The following IGSF11 variants were observed in gnomAD, a reference collection of about 807,000 sequenced individuals.
IGSF11 encodes CXADR like 1.
IGSF11 carries 22 observed loss-of-function variants against 41.0 expected under a neutral mutation model. The observed-to-expected ratio is 0.54, with a 90% CI of 0.38 to 0.77. The LOEUF (loss-of-function observed/expected upper bound fraction) is 0.77, where lower values mean the gene tolerates loss of function less well. IGSF11 is among the 30% of genes least tolerant of loss of function. IGSF11 has a pLI of 0.00. For synonymous variants in IGSF11, 219 were observed against 201.3 expected (o/e 1.09, Z -0.74); for missense variants, 444 against 530.8 (o/e 0.84, Z 1.61).
At chr3:119,016,428 A>G (rs1300870498) in intron 1 of IGSF11, among the ~76,000 whole-genome samples, 2 of 152,234 alleles carry the variant, frequency 1.3e-5, no homozygotes, top group African/African-American at 2.4e-5. Context: ...TTTAAAAAAA[A>G]TCTTTAGAAA....
At chr3:118,903,331 GTAAA>G (rs745548170) in intron 6 of IGSF11, among the ~76,000 whole-genome samples, 3 of 151,708 alleles carry the variant, frequency 2.0e-5, no homozygotes, top group South Asian at 2.1e-4. Flanking sequence ...TATATATATA[GTAAA>G]TATTTAGTAT....
At chr3:119,116,239 G>T (rs1267425048) in intron 1 of IGSF11, among the ~76,000 whole-genome samples, 1 of 152,124 alleles carries the variant, frequency 6.6e-6, no homozygotes, top group African/African-American at 2.4e-5. Context: ...AAAGGCAGAA[G>T]ATGAAGGAAT....
At chr3:119,088,385 G>T (rs1391059583) in intron 1 of IGSF11, among the ~76,000 whole-genome samples, 2 of 152,132 alleles carry the variant, frequency 1.3e-5, no homozygotes, top group East Asian at 3.9e-4. Flanking sequence ...AATGATAATA[G>T]ACACACAGCT....
chr3:118,928,059 G>C (rs1329601042), intron 3 of IGSF11, among the ~76,000 whole-genome samples: 1 of 152,140 alleles, frequency 6.6e-6, no homozygotes, highest in Non-Finnish European at 1.5e-5. Context: ...TTACAATTAT[G>C]CCAGGACAAC....
rs540538505 is a variant in IGSF11 at position 119,084,188 on chromosome 3, A to G, written c.49+20956T>C. ...GAAAGACAAGGATTTTGTCTAAACC[A>G]ATGTAATTTGAACAGATCTTTGGAG... is the stretch of plus-strand genomic sequence containing the variant. On this transcript the variant is annotated intron_variant, in intron 1 of 6. Coordinates refer to the IGSF11 transcript ENST00000354673. 8.5e-5 allele frequency among the ~76,000 whole-genome samples: 13 copies of G among 152,258 alleles called. No individual in the cohort carries two copies. In the East Asian group the frequency reaches 2.5e-3, roughly 29 times the overall value.
intron 1 of IGSF11, among the ~76,000 whole-genome samples, chr3:119,020,719 G>A (rs539826615): frequency 1.3e-5 from 2 of 152,112 alleles, no homozygotes; most frequent in Non-Finnish European, 2.9e-5. Context: ...CACTGGCTGG[G>A]ATAAATACCA....
In IGSF11 at chr3:118,974,601, T is replaced by C. The variant is rs1004240270; in HGVS notation, c.53-44326A>G. On this transcript the variant is annotated intron_variant, in intron 1 of 6. Coordinates refer to ENST00000393775, the MANE Select transcript of IGSF11 (RefSeq NM_001015887.3). ...ACATTTGTGGTTGCAGTACCTAATC[T>C]TCTGGCCCTTCTTCAGTACAAACCA... Among the ~76,000 whole-genome samples the C allele has an allele frequency of 3.3e-5, 5 of 152,318 alleles. 1 individual carries two copies. The highest frequency in any genetic ancestry group is 1.9e-4 in the East Asian group (1 of 5,180).
chr3:118,912,599 G>C (rs1183382511), intron 4 of IGSF11, among the ~76,000 whole-genome samples: 2 of 151,936 alleles, frequency 1.3e-5, no homozygotes, highest in East Asian at 3.8e-4. Context: ...GAAACAAATA[G>C]AAAACATAAC....
At chr3:118,935,436 G>GTA in intron 1 of IGSF11, among the ~76,000 whole-genome samples, 1 of 145,738 alleles carries the variant, frequency 6.9e-6, no homozygotes. Flanking sequence ...ATATACGTAT[G>GTA]TATATGTGTG....
At chr3:119,057,843 G>A (rs1941907389) in intron 1 of IGSF11, among the ~76,000 whole-genome samples, 1 of 152,110 alleles carries the variant, frequency 6.6e-6, no homozygotes, top group African/African-American at 2.4e-5. Flanking sequence ...TCTGATCTTT[G>A]ACAAACCTGA....
intron 1 of IGSF11, among the ~76,000 whole-genome samples, chr3:119,049,927 G>A (rs2107431195): frequency 1.4e-5 from 2 of 147,224 alleles, no homozygotes; most frequent in Non-Finnish European, 3.0e-5. Context: ...AAATGGTGCT[G>A]GGAAAACTGG....
intron 1 of IGSF11, among the ~76,000 whole-genome samples, chr3:118,963,047 C>T (rs1027068143): frequency 6.6e-6 from 1 of 152,100 alleles, no homozygotes; most frequent in African/African-American, 2.4e-5. Flanking sequence ...ATTAGAAGCC[C>T]ACACTGCCCA....
chr3:119,053,613 T>C (rs974432752), intron 1 of IGSF11, among the ~76,000 whole-genome samples: 1 of 152,112 alleles, frequency 6.6e-6, no homozygotes, highest in Non-Finnish European at 1.5e-5. Context: ...ATAAAGTCAA[T>C]GCAATGCCCA....
intron 1 of IGSF11, among the ~76,000 whole-genome samples, chr3:118,972,643 T>C (rs564042388): frequency 4.6e-5 from 7 of 152,326 alleles, no homozygotes; most frequent in Admixed American, 6.5e-5. Context: ...GCTGGACAGA[T>C]AGATCCTCGT....
rs1192417587 is a variant in IGSF11 at position 119,115,005 on chromosome 3, C to T, written c.-13-9800G>A. Among the ~76,000 whole-genome samples the T allele has an allele frequency of 2.0e-5, 3 of 152,146 alleles. No individual in the cohort carries two copies. The East Asian group carries it at 5.8e-4, about 29-fold the overall frequency. ...AGAGTAAAGGGGGAGGTGCTACACA[C>T]TTTAAAATAACCAGATCTCAGTCAC... On this transcript the variant is annotated intron_variant, in intron 1 of 7. Transcript: ENST00000425327.
At chr3:118,920,420 C>G (rs1483414728) in intron 4 of IGSF11, among the ~76,000 whole-genome samples, 1 of 151,782 alleles carries the variant, frequency 6.6e-6, no homozygotes, top group Non-Finnish European at 1.5e-5. Flanking sequence ...TCAATGATTT[C>G]AGAGGACAGA....
chr3:119,017,029 G>A (rs1938770070), intron 1 of IGSF11, among the ~76,000 whole-genome samples: 1 of 138,374 alleles, frequency 7.2e-6, no homozygotes, highest in East Asian at 2.0e-4. Flanking sequence ...AAAGTTAAAT[G>A]GACGCAGGAC....
chr3:119,050,381 A>G (rs1645697739), intron 1 of IGSF11, among the ~76,000 whole-genome samples: 1 of 152,242 alleles, frequency 6.6e-6, no homozygotes, highest in Non-Finnish European at 1.5e-5. Context: ...TGCAGCCAAA[A>G]AACACATGAA....
At chr3:118,998,583 A>G (rs1936500143) in intron 1 of IGSF11, among the ~76,000 whole-genome samples, 1 of 152,056 alleles carries the variant, frequency 6.6e-6, no homozygotes, top group Non-Finnish European at 1.5e-5. Flanking sequence ...TATTTGCAAA[A>G]AAAAAAAAAG....
Sources: gnomAD v4.1 joint callset for allele counts (sites outside exome capture counted in the v4.1 genomes callset) on GRCh38, gnomAD v4.1.1 for gene constraint, MANE v1.5 for transcripts, NCBI Gene and HGNC (gene_info 2026-07-23, HGNC 2026-07-21) for gene names.